Variants in CDH18 observed in about 807,000 individuals in gnomAD.
The protein encoded by CDH18 is cadherin-18.
Under a neutral mutation model 67.9 loss-of-function variants are expected in CDH18, and 31 were observed. The observed-to-expected ratio is 0.46, with a 90% CI of 0.34 to 0.62. The LOEUF is 0.62. Among genes scored for constraint, CDH18 ranks in the 20% least tolerant of loss-of-function variants. The pLI, the probability that CDH18 is intolerant of heterozygous loss-of-function variation, is 0.01. For missense variants in CDH18, 890 were observed against 975.5 expected (o/e 0.91, Z 1.17); for synonymous variants, 362 against 347.2 (o/e 1.04, Z -0.48).
At chr5:19,787,888 A>G (rs910467230) in intron 3 of CDH18, among the ~76,000 whole-genome samples, 3 of 151,250 alleles carry the variant, frequency 2.0e-5, no homozygotes, top group African/African-American at 7.3e-5. Flanking sequence ...CTGAAGAAAG[A>G]ATAATTAACT....
intron 1 of CDH18, among the ~76,000 whole-genome samples, chr5:20,287,658 A>T (rs1048404926): frequency 1.3e-5 from 2 of 151,826 alleles, no homozygotes; most frequent in Non-Finnish European, 3.0e-5. Flanking sequence ...ACATTGAATC[A>T]TGATGAGCTG....
At chr5:19,639,937 T>C (rs1248215632) in intron 5 of CDH18, among the ~76,000 whole-genome samples, 2 of 152,162 alleles carry the variant, frequency 1.3e-5, no homozygotes, top group Admixed American at 1.3e-4. Context: ...TCAACAGAAA[T>C]CTTGCAAGCC....
chr5:20,088,206 T>C (rs1441260972), intron 2 of CDH18, among the ~76,000 whole-genome samples: 1 of 152,240 alleles, frequency 6.6e-6, no homozygotes, highest in Non-Finnish European at 1.5e-5. Flanking sequence ...TCTTATTTTA[T>C]GCCAGCCACT....
At chr5:20,121,058 C>T (rs1220842219) in intron 2 of CDH18, among the ~76,000 whole-genome samples, 3 of 152,050 alleles carry the variant, frequency 2.0e-5, no homozygotes, top group Non-Finnish European at 4.4e-5. Flanking sequence ...TCTGAAAATA[C>T]TTTCCCATCA....
intron 6 of CDH18, among the ~76,000 whole-genome samples, chr5:19,603,052 G>A (rs1238592411): frequency 2.6e-5 from 4 of 152,244 alleles, no homozygotes; most frequent in Admixed American, 6.5e-5. Context: ...CACTGAAAGT[G>A]GGGTGTTACA....
intron 2 of CDH18, among the ~76,000 whole-genome samples, chr5:20,027,094 A>G (rs1738972862): frequency 6.6e-6 from 1 of 152,156 alleles, no homozygotes; most frequent in African/African-American, 2.4e-5. Context: ...AATACTAATT[A>G]CCTTGTTGCT....
chr5:20,280,739 G>C (rs1420514715), intron 1 of CDH18, among the ~76,000 whole-genome samples: 1 of 152,092 alleles, frequency 6.6e-6, no homozygotes, highest in Admixed American at 6.6e-5. Flanking sequence ...GGGATGGCTG[G>C]GTCAAATGGT....
chr5:20,403,215 A>G (rs1280205826), intron 1 of CDH18, among the ~76,000 whole-genome samples: 1 of 152,140 alleles, frequency 6.6e-6, no homozygotes, highest in Non-Finnish European at 1.5e-5. Context: ...AAGGTTTTCA[A>G]TTTACATTGT....
In CDH18 at chr5:20,398,183, TTAAG is replaced by T. The variant is rs749080272; in HGVS notation, c.-579-142682_-579-142679del. Among the ~76,000 whole-genome samples, 141 of 152,284 alleles carry T rather than the reference TTAAG, an allele frequency of 9.3e-4. 1 individual carries two copies. The highest frequency in any genetic ancestry group is 1.9e-3 in the Non-Finnish European group (126 of 68,012). The stretch of plus-strand genomic sequence containing the variant: ...AATATACAATATTTCCCTCAGTTTA[TTAAG>T]TGTGTGGTATTTTAAATTATTATGT... On this transcript the variant is annotated intron_variant, in intron 1 of 14. Transcript: ENST00000507958.
At position 20,019,701 on chromosome 5, in the gene CDH18, A is replaced by T. The variant is rs140281881; in HGVS notation, c.-517-27687T>A. ...TAAGTCAATTAAAACACTTTTCTTT[A>T]TAAATTACCCAGTCTCAGGTAGTCC... On this transcript the variant is annotated intron_variant, in intron 2 of 14. Coordinates refer to the CDH18 transcript ENST00000507958. 4.3e-3 allele frequency among the ~76,000 whole-genome samples: 658 copies of T among 152,264 alleles called. 4 individuals are homozygous for T. Among genetic ancestry groups the T allele is most frequent in the African/African-American group, 0.015 (622 of 41,530 alleles).
intron 1 of CDH18, among the ~76,000 whole-genome samples, chr5:20,365,463 T>C (rs1235608087): frequency 6.6e-6 from 1 of 152,156 alleles, no homozygotes; most frequent in Non-Finnish European, 1.5e-5. Context: ...CCATTACTGA[T>C]ATACTTCAAT....
rs111829700 is a variant in CDH18 at position 20,101,124 on chromosome 5, TC to T, written c.-517-109111del. On this transcript the variant is annotated intron_variant, in intron 2 of 14. Transcript: ENST00000507958. ...GTACACCACATCGGGCTTTTTTTTT[TC>T]TTCAGTTTTTATTTTTTGTAGAGGC... 2.1e-3 allele frequency among the ~76,000 whole-genome samples: 326 copies of T among 151,988 alleles called. 1 individual carries two copies. The highest frequency in any genetic ancestry group is 7.4e-3 in the African/African-American group (306 of 41,442).
chr5:20,568,133 G>A (rs534063828), intron 1 of CDH18, among the ~76,000 whole-genome samples: 1 of 152,108 alleles, frequency 6.6e-6, no homozygotes, highest in South Asian at 2.1e-4. Flanking sequence ...TTATAAAGAC[G>A]ACAAACACAG....
intron 2 of CDH18, among the ~76,000 whole-genome samples, chr5:20,182,537 G>A (rs1486675727): frequency 6.7e-6 from 1 of 149,304 alleles, no homozygotes; most frequent in Non-Finnish European, 1.5e-5. Context: ...ACAAGGCAGA[G>A]GTTGCAGTGA....
chr5:20,404,865 C>T (rs77082657), intron 1 of CDH18, among the ~76,000 whole-genome samples: 1 of 152,058 alleles, frequency 6.6e-6, no homozygotes, highest in East Asian at 1.9e-4. Context: ...AAAGTAAAAT[C>T]ACAATAAATA....
At chr5:20,279,866 T>C (rs1035539286) in intron 1 of CDH18, among the ~76,000 whole-genome samples, 8 of 152,014 alleles carry the variant, frequency 5.3e-5, no homozygotes, top group Admixed American at 3.3e-4. Context: ...ATAGACTAAG[T>C]GGACCTAATA....
chr5:19,899,015 C>A (rs1789645573), intron 2 of CDH18, among the ~76,000 whole-genome samples: 1 of 152,060 alleles, frequency 6.6e-6, no homozygotes, highest in Admixed American at 6.6e-5. Flanking sequence ...GTAATTTCTT[C>A]AAAAAAGACA....
intron 1 of CDH18, among the ~76,000 whole-genome samples, chr5:20,409,155 C>A (rs897265479): frequency 6.6e-6 from 1 of 151,736 alleles, no homozygotes; most frequent in Non-Finnish European, 1.5e-5. Flanking sequence ...ATGTAAGCAA[C>A]ACTATAGAGC....
At position 19,748,112 on chromosome 5, in the gene CDH18, C is replaced by CAAAAAAAAAA. The variant is rs766955714; in HGVS notation, c.229-886_229-877dup. Among the ~76,000 whole-genome samples the CAAAAAAAAAA allele has an allele frequency of 2.4e-3, 35 of 14,840 alleles. 7 individuals carry two copies. The highest frequency in any genetic ancestry group is 3.4e-3 in the African/African-American group (19 of 5,588). 9.7% of individuals were successfully genotyped at this position (14,840 alleles called of 152,430 possible). A position where few individuals can be genotyped will look rare whatever the true frequency, so the allele number is the denominator to read the frequency against. ...TGGGAGACAGAGCGAGACTCCATCT[C>CAAAAAAAAAA]AAAAAAAAAAAAAAAAAAAAAGAGT... On this transcript the variant is annotated intron_variant, in intron 3 of 12. Transcript: ENST00000382275.
Sources: gnomAD v4.1 joint callset for allele counts (sites outside exome capture counted in the v4.1 genomes callset) on GRCh38, gnomAD v4.1.1 for gene constraint, MANE v1.5 for transcripts, NCBI Gene and HGNC (gene_info 2026-07-23, HGNC 2026-07-21) for gene names.